Variants in CNTN4 observed in about 807,000 individuals in gnomAD.
The protein encoded by CNTN4 is contactin 4, also known as contactin-4.
CNTN4 carries 77 observed loss-of-function variants against 122.5 expected under a neutral mutation model. The ratio of observed to expected loss-of-function variants is 0.63; its 90% CI spans 0.52 to 0.76. CNTN4 has a LOEUF of 0.76. Among genes scored for constraint, CNTN4 ranks in the 30% least tolerant of loss-of-function variants. The probability of loss-of-function intolerance (pLI) is 0.00; values close to 1 mark genes in which losing one functional copy is unlikely to be tolerated. For missense variants in CNTN4, 1,256 were observed against 1,259.1 expected (o/e 1.00, Z 0.04); for synonymous variants, 512 against 447.0 (o/e 1.15, Z -1.83).
intron 8 of CNTN4, among the ~76,000 whole-genome samples, chr3:2,881,127 C>T (rs1486060224): frequency 6.6e-6 from 1 of 152,156 alleles, no homozygotes; most frequent in Non-Finnish European, 1.5e-5. Context: ...GTTAGCTAGA[C>T]TGTAAGTCAT....
At chr3:2,263,266 ATAT>A (rs1272156308) in intron 2 of CNTN4, among the ~76,000 whole-genome samples, 6 of 152,178 alleles carry the variant, frequency 3.9e-5, no homozygotes, top group Non-Finnish European at 7.4e-5. Context: ...ATAATAAAAA[ATAT>A]TATGTTGTCA....
In CNTN4 at chr3:2,938,335, G is replaced by GT. The variant is rs1031314865; in HGVS notation, c.1358+12566dup. On this transcript the variant is annotated intron_variant, in intron 13 of 24. Transcript: ENST00000418658. ...ATAATAATAGTAACACCCAGCGCTT[G>GT]TTTTTTTTTTAGTCTTTACTATGCC... 8.4e-4 allele frequency among the ~76,000 whole-genome samples: 123 copies of GT among 146,344 alleles called. 2 individuals carry two copies. Among genetic ancestry groups the GT allele is most frequent in the South Asian group, 1.7e-3 (8 of 4,602 alleles).
intron 6 of CNTN4, among the ~76,000 whole-genome samples, chr3:2,768,467 G>C (rs960969878): frequency 6.6e-6 from 1 of 152,180 alleles, no homozygotes; most frequent in South Asian, 2.1e-4. Context: ...AATTGGTGAA[G>C]TATTTACTAG....
At chr3:3,040,528 T>C (rs1237545303) in intron 20 of CNTN4, 1 of 531,110 alleles carries the variant, frequency 1.9e-6, no homozygotes, top group Non-Finnish European at 3.4e-6. Flanking sequence ...AAATACCATA[T>C]AAGATCTTCA....
intron 12 of CNTN4, among the ~76,000 whole-genome samples, chr3:2,914,654 A>G (rs1021467124): frequency 1.1e-4 from 17 of 152,222 alleles, no homozygotes; most frequent in Non-Finnish European, 2.5e-4. Flanking sequence ...AAACTTCCCA[A>G]TAAAGAAAAT....
chr3:2,694,087 C>A (rs934185399), intron 4 of CNTN4, among the ~76,000 whole-genome samples: 1 of 152,118 alleles, frequency 6.6e-6, no homozygotes, highest in Non-Finnish European at 1.5e-5. Flanking sequence ...TGCTAGGATG[C>A]CTTTGCCCAA....
intron 4 of CNTN4, among the ~76,000 whole-genome samples, chr3:2,623,595 T>A (rs1369716619): frequency 6.6e-6 from 1 of 152,194 alleles, no homozygotes; most frequent in Non-Finnish European, 1.5e-5. Flanking sequence ...TTTGTCAAAC[T>A]TATATATTAG....
intron 3 of CNTN4, among the ~76,000 whole-genome samples, chr3:2,469,019 T>C (rs2075599019): frequency 6.6e-6 from 1 of 152,168 alleles, no homozygotes; most frequent in Non-Finnish European, 1.5e-5. Context: ...CCTAGTCCAG[T>C]CAAAATCCGT....
chr3:2,858,677 A>T (rs537982352), intron 7 of CNTN4, among the ~76,000 whole-genome samples: 15 of 151,932 alleles, frequency 9.9e-5, no homozygotes, highest in Admixed American at 2.6e-4. Context: ...CCGGCACTCC[A>T]GCCTGAGTGA....
At chr3:2,127,214 CG>C (rs1338318743) in intron 2 of CNTN4, among the ~76,000 whole-genome samples, 1 of 152,122 alleles carries the variant, frequency 6.6e-6, no homozygotes, top group Non-Finnish European at 1.5e-5. Context: ...TGCCCTTTGT[CG>C]GGTTCCCATC....
Position 2,594,673 on chromosome 3 carries a change from G to A in CNTN4, c.55+23115G>A, listed in dbSNP as rs142107148. Among the ~76,000 whole-genome samples, 215 of 152,104 alleles carry A rather than the reference G, an allele frequency of 1.4e-3. 2 individuals are homozygous for A. In the Middle Eastern group the frequency reaches 0.061, roughly 43 times the overall value. On this transcript the variant is annotated intron_variant, in intron 4 of 24. Transcript: ENST00000418658. The stretch of plus-strand genomic sequence containing the variant: ...CTGACCTCAGAATCGGCCAGCCTTG[G>A]CCTCCCAAAGTGCTGGGATTACAGG...
intron 12 of CNTN4, among the ~76,000 whole-genome samples, chr3:2,907,138 A>G (rs982510102): frequency 1.3e-5 from 2 of 152,250 alleles, no homozygotes; most frequent in African/African-American, 4.8e-5. Flanking sequence ...ATTGTTTTCC[A>G]CAAGTCACTT....
chr3:3,054,307 A>T (rs1379980105), intron 24 of CNTN4, among the ~76,000 whole-genome samples: 1 of 151,980 alleles, frequency 6.6e-6, no homozygotes, highest in Non-Finnish European at 1.5e-5. Context: ...AAAAGCATTG[A>T]CTCAGTCAGA....
chr3:2,648,993 G>A (rs964606858), intron 4 of CNTN4, among the ~76,000 whole-genome samples: 14 of 152,252 alleles, frequency 9.2e-5, no homozygotes, highest in East Asian at 7.7e-4. Flanking sequence ...TCTCTTAAGC[G>A]AAAGCCTAAT....
chr3:2,824,694 C>A (rs948391619), intron 7 of CNTN4, among the ~76,000 whole-genome samples: 2 of 152,116 alleles, frequency 1.3e-5, no homozygotes, highest in Non-Finnish European at 2.9e-5. Context: ...TGGAGTCTCA[C>A]TCTGTCAACC....
intron 3 of CNTN4, among the ~76,000 whole-genome samples, chr3:2,416,431 A>G (rs995769826): frequency 5.3e-5 from 8 of 152,210 alleles, no homozygotes; most frequent in Non-Finnish European, 8.8e-5. Flanking sequence ...TTAAATATAC[A>G]GAAATGAAAA....
intron 13 of CNTN4, among the ~76,000 whole-genome samples, chr3:2,969,074 A>C (rs1319349247): frequency 2.0e-5 from 3 of 152,130 alleles, no homozygotes; most frequent in Admixed American, 1.3e-4. Flanking sequence ...CCATCATCTC[A>C]TTCTACATTA....
intron 13 of CNTN4, among the ~76,000 whole-genome samples, chr3:2,975,623 A>G (rs1034385694): frequency 6.6e-5 from 10 of 152,110 alleles, no homozygotes; most frequent in African/African-American, 2.2e-4. Context: ...CTCTTGGTCC[A>G]TTTCTGTCCA....
chr3:2,496,514 C>A (rs1278158532), intron 3 of CNTN4, among the ~76,000 whole-genome samples: 1 of 152,066 alleles, frequency 6.6e-6, no homozygotes, highest in African/African-American at 2.4e-5. Context: ...TAATAATTCA[C>A]CCCTGAATTA....
Sources: gnomAD v4.1 joint callset for allele counts (sites outside exome capture counted in the v4.1 genomes callset) on GRCh38, gnomAD v4.1.1 for gene constraint, MANE v1.5 for transcripts, NCBI Gene and HGNC (gene_info 2026-07-23, HGNC 2026-07-21) for gene names.